TENM2: variants seen among roughly 807,000 people sequenced by gnomAD.
TENM2 encodes teneurin transmembrane protein 2, also known as teneurin-2.
In TENM2, 52 loss-of-function variants were observed where a neutral mutation model predicts 245.2. That is an observed-to-expected ratio of 0.21 (90% confidence interval 0.17 to 0.27). TENM2 has a LOEUF of 0.27. Among genes scored for constraint, TENM2 ranks in the 10% least tolerant of loss-of-function variants. The pLI is 1.00. For missense variants in TENM2, 3,046 were observed against 3,666.8 expected, an observed-to-expected ratio of 0.83 and a Z score of 4.37; for synonymous variants, 1,363 against 1,438.9, an observed-to-expected ratio of 0.95 and a Z score of 1.19.
At chr5:167,591,445 G>A (rs1259057340) in intron 2 of TENM2, among the ~76,000 whole-genome samples, 3 of 152,008 alleles carry the variant, frequency 2.0e-5, no homozygotes, top group South Asian at 4.1e-4. Context: ...TACTCAAATC[G>A]GGCAGGCTTT....
intron 2 of TENM2, among the ~76,000 whole-genome samples, chr5:167,635,508 A>C (rs1285334400): frequency 6.6e-6 from 1 of 152,138 alleles, no homozygotes; most frequent in African/African-American, 2.4e-5. Flanking sequence ...CAGTCACAAT[A>C]GTAAATAAGC....
the TENM2 span, among the ~76,000 whole-genome samples, chr5:167,206,984 A>G: frequency 6.6e-6 from 1 of 152,194 alleles, no homozygotes; most frequent in Non-Finnish European, 1.5e-5. Context: ...GACAATTTCT[A>G]CTAGAAAAAG....
At chr5:167,014,647 A>G in the TENM2 span, among the ~76,000 whole-genome samples, 2 of 152,348 alleles carry the variant, frequency 1.3e-5, no homozygotes, top group Non-Finnish European at 2.9e-5. Context: ...GGGTACTCCA[A>G]AGTGAACAGA....
intron 2 of TENM2, among the ~76,000 whole-genome samples, chr5:167,656,316 A>C (rs1187532928): frequency 6.6e-6 from 1 of 152,148 alleles, no homozygotes; most frequent in African/African-American, 2.4e-5. Flanking sequence ...GCACATGTGA[A>C]TGTTACATAA....
chr5:167,929,186 AAAGG>A (rs1298055469), intron 3 of TENM2, among the ~76,000 whole-genome samples: 5 of 148,002 alleles, frequency 3.4e-5, no homozygotes, highest in Non-Finnish European at 4.5e-5. Context: ...AAGGAAGGAA[AAAGG>A]AAGGAAGGAA....
At chr5:167,613,373 A>G (rs571593659) in intron 2 of TENM2, among the ~76,000 whole-genome samples, 5 of 152,236 alleles carry the variant, frequency 3.3e-5, no homozygotes, top group South Asian at 2.1e-4. Flanking sequence ...TAATTCTCCA[A>G]CTATGCTGTG....
At chr5:167,375,065 T>C (rs1760667450) in intron 1 of TENM2, 133 bp from the exon 4 acceptor site, 3 of 866,420 alleles carry the variant, frequency 3.5e-6, no homozygotes, top group Non-Finnish European at 5.3e-6. Context: ...GTCCAAGATC[T>C]GTTTCTGTAC....
At chr5:167,738,937 G>T in intron 2 of TENM2, among the ~76,000 whole-genome samples, 1 of 152,162 alleles carries the variant, frequency 6.6e-6, no homozygotes, top group Non-Finnish European at 1.5e-5. Context: ...TGAGGCACTG[G>T]GGGTTAGGGC....
At chr5:167,584,239 T>A (rs917616481) in intron 2 of TENM2, among the ~76,000 whole-genome samples, 1 of 152,116 alleles carries the variant, frequency 6.6e-6, no homozygotes, top group African/African-American at 2.4e-5. Context: ...CTCCATAGAG[T>A]GGGAGCAGGC....
At chr5:168,005,466 T>C (rs1401588771) in intron 5 of TENM2, among the ~76,000 whole-genome samples, 1 of 152,222 alleles carries the variant, frequency 6.6e-6, no homozygotes, top group Non-Finnish European at 1.5e-5. Flanking sequence ...ACTACCACTG[T>C]CTCACCCCTC....
intron 2 of TENM2, among the ~76,000 whole-genome samples, chr5:167,531,580 C>G (rs1276843461): frequency 6.6e-6 from 1 of 151,838 alleles, no homozygotes; most frequent in African/African-American, 2.4e-5. Flanking sequence ...AATATATTTC[C>G]AGAACTTATT....
the TENM2 span, among the ~76,000 whole-genome samples, chr5:167,046,322 A>C: frequency 6.6e-6 from 1 of 152,160 alleles, no homozygotes; most frequent in Non-Finnish European, 1.5e-5. Context: ...GTGATTTATT[A>C]GTCCATTTAA....
At chr5:168,187,291 C>A in intron 13 of TENM2, 1 of 152,240 alleles carries the variant, frequency 6.6e-6, no homozygotes, top group Non-Finnish European at 1.5e-5. Context: ...GAAAGAGTGA[C>A]AGGCTGGAGG....
chr5:167,011,421 C>T, the TENM2 span, among the ~76,000 whole-genome samples: 18 of 152,316 alleles, frequency 1.2e-4, no homozygotes, highest in East Asian at 3.3e-3. Flanking sequence ...GGATTTTATT[C>T]ATAAGTGCAT....
At position 168,262,211 on chromosome 5, in the gene TENM2, A is replaced by C. The variant is rs373674546; in HGVS notation, c.7726A>C (p.Ile2576Leu). ...CATTGGCAAAGGCATCATGTTTGCC[A>C]TCAAAGAAGGGCGGGTGACCACGGG... Residue 2576 changes from isoleucine to leucine, a missense_variant, in exon 29 of 29, where the codon ATC becomes CTC. Physicochemically the swap from Ile to Leu is conservative, Grantham distance 5 (BLOSUM62 2). Coordinates refer to ENST00000518659, the Ensembl canonical transcript of TENM2. 46 of 1,609,350 alleles carry C rather than the reference A, an allele frequency of 2.9e-5. No homozygotes were observed. In the East Asian group the frequency reaches 7.2e-4, roughly 25 times the overall value.
chr5:167,914,498 C>T (rs780139158), intron 3 of TENM2, among the ~76,000 whole-genome samples: 5 of 152,228 alleles, frequency 3.3e-5, no homozygotes, highest in African/African-American at 4.8e-5. Context: ...CCCAGATAAT[C>T]TAGGATAATC....
intron 1 of TENM2, among the ~76,000 whole-genome samples, chr5:167,334,188 G>A (rs1279697956): frequency 6.6e-6 from 1 of 152,154 alleles, no homozygotes; most frequent in Non-Finnish European, 1.5e-5. Flanking sequence ...AATGAAGACA[G>A]GTTAAGTAGC....
intron 1 of TENM2, among the ~76,000 whole-genome samples, chr5:167,339,889 G>C (rs529543553): frequency 1.1e-4 from 16 of 152,132 alleles, no homozygotes; most frequent in Middle Eastern, 6.3e-3. Flanking sequence ...AGCAGCTCTC[G>C]TTACACGCTG....
the TENM2 span, among the ~76,000 whole-genome samples, chr5:167,090,940 CA>C: frequency 6.6e-6 from 1 of 152,136 alleles, no homozygotes. Flanking sequence ...CTAATAAACA[CA>C]AAACAGTTTT....
Sources: allele counts gnomAD v4.1 joint callset (sites outside exome capture counted in the v4.1 genomes callset), GRCh38; gene constraint gnomAD v4.1.1; transcripts MANE v1.5; gene names NCBI Gene and HGNC (gene_info 2026-07-23, HGNC 2026-07-21).